The following ULK4 variants were observed in gnomAD, a reference collection of about 807,000 sequenced individuals.
The protein encoded by ULK4 is inactive serine/threonine-protein kinase ULK4.
A neutral mutation model predicts 160.6 loss-of-function variants in ULK4; 133 were observed. That is an observed-to-expected ratio of 0.83 (90% CI 0.72 to 0.96). ULK4 has a LOEUF of 0.96. ULK4 is among the 40% of genes least tolerant of loss of function. The pLI, the probability that ULK4 is intolerant of heterozygous loss-of-function variation, is 0.00. For synonymous variants in ULK4, 534 were observed against 539.8 expected (o/e 0.99, Z 0.15); for missense variants, 1,580 against 1,499.5 (o/e 1.05, Z -0.89).
chr3:41,825,774 G>A (rs1316734451), intron 18 of ULK4, among the ~76,000 whole-genome samples: 1 of 151,912 alleles, frequency 6.6e-6, no homozygotes, highest in Non-Finnish European at 1.5e-5. Context: ...ATCTAGCAAG[G>A]CAGGCCAACA....
At chr3:41,249,710 G>T in intron 35 of ULK4, 136 bp from the exon 36 acceptor site, 1 of 832,064 alleles carries the variant, frequency 1.2e-6, no homozygotes, top group Non-Finnish European at 1.9e-6. Context: ...CCCTGGGCTT[G>T]TCTGTAACCC....
chr3:41,494,811 G>T (rs2084926037), intron 32 of ULK4, among the ~76,000 whole-genome samples: 2 of 152,040 alleles, frequency 1.3e-5, no homozygotes, highest in African/African-American at 4.8e-5. Context: ...GCCAAATCAG[G>T]AGTGAACTCC....
intron 35 of ULK4, among the ~76,000 whole-genome samples, chr3:41,261,170 T>C (rs1436648844): frequency 6.6e-6 from 1 of 151,024 alleles, no homozygotes; most frequent in Non-Finnish European, 1.5e-5. Context: ...CACTTTTACC[T>C]ATAGGATTAA....
intron 18 of ULK4, among the ~76,000 whole-genome samples, chr3:41,824,266 T>C (rs112979954): frequency 0.054 from 8,150 of 151,790 alleles, 727 homozygotes; most frequent in African/African-American, 0.18. Flanking sequence ...GATTTCTGCA[T>C]TTCCAACTGA....
chr3:41,437,168 T>A (rs1277175707), intron 34 of ULK4, among the ~76,000 whole-genome samples: 1 of 152,160 alleles, frequency 6.6e-6, no homozygotes, highest in African/African-American at 2.4e-5. Flanking sequence ...AAAGACTGAA[T>A]TCTGATGATA....
At chr3:41,542,945 G>A (rs1378524673) in intron 32 of ULK4, among the ~76,000 whole-genome samples, 2 of 152,116 alleles carry the variant, frequency 1.3e-5, no homozygotes, top group Non-Finnish European at 2.9e-5. Flanking sequence ...ATCTTCTATG[G>A]ACAGGAATCA....
chr3:41,387,006 C>G (rs2081829010), intron 35 of ULK4, among the ~76,000 whole-genome samples: 1 of 152,120 alleles, frequency 6.6e-6, no homozygotes, highest in Non-Finnish European at 1.5e-5. Context: ...TAGCCACTTT[C>G]TGAATCCGTC....
chr3:41,328,453 C>A (rs2080377743), intron 35 of ULK4, among the ~76,000 whole-genome samples: 1 of 151,882 alleles, frequency 6.6e-6, no homozygotes, highest in African/African-American at 2.4e-5. Flanking sequence ...GTGTAGAAAC[C>A]AGGATGAGAA....
intron 25 of ULK4, among the ~76,000 whole-genome samples, chr3:41,706,619 G>C (rs1484849744): frequency 1.3e-5 from 2 of 150,654 alleles, no homozygotes; most frequent in Admixed American, 1.3e-4. Flanking sequence ...CTTGAGGTCA[G>C]GAGTTCGAGA....
chr3:41,323,936 G>C (rs951252418), intron 35 of ULK4, among the ~76,000 whole-genome samples: 8 of 152,200 alleles, frequency 5.3e-5, no homozygotes, highest in African/African-American at 1.9e-4. Context: ...AAACTGAGAA[G>C]GCACCGAAGC....
chr3:41,314,027 C>T (rs1220701258), intron 35 of ULK4, among the ~76,000 whole-genome samples: 1 of 152,164 alleles, frequency 6.6e-6, no homozygotes, highest in Non-Finnish European at 1.5e-5. Context: ...CAAGCGTCGA[C>T]TGCCACCTAA....
At chr3:41,539,051 T>C (rs2125950132) in intron 32 of ULK4, among the ~76,000 whole-genome samples, 1 of 140,606 alleles carries the variant, frequency 7.1e-6, no homozygotes, top group African/African-American at 2.6e-5. Context: ...TTTTTTTTTT[T>C]AGTATTTCTA....
At chr3:41,585,999 C>A (rs140077743) in intron 31 of ULK4, among the ~76,000 whole-genome samples, 1 of 152,066 alleles carries the variant, frequency 6.6e-6, no homozygotes, top group East Asian at 1.9e-4. Context: ...ATAAAAAAAA[C>A]ACAAATGGTG....
At chr3:41,797,727 A>G (rs2371627) in intron 20 of ULK4, among the ~76,000 whole-genome samples, 48,775 of 151,786 alleles carry the variant, frequency 0.32, 11,690 homozygotes, top group African/African-American at 0.68. Flanking sequence ...TGGGTGTGGC[A>G]GCAGATGCCT....
At chr3:41,870,795 T>C (rs945032358) in intron 17 of ULK4, among the ~76,000 whole-genome samples, 2 of 152,170 alleles carry the variant, frequency 1.3e-5, no homozygotes, top group African/African-American at 2.4e-5. Flanking sequence ...ACTCTCCCTC[T>C]TCTTCTAATA....
chr3:41,409,510 T>C (rs1472458401), intron 34 of ULK4, among the ~76,000 whole-genome samples: 1 of 152,236 alleles, frequency 6.6e-6, no homozygotes, highest in Non-Finnish European at 1.5e-5. Flanking sequence ...ATACATGATA[T>C]ATAATATTTC....
At chr3:41,556,822 T>A (rs980904470) in intron 32 of ULK4, among the ~76,000 whole-genome samples, 1 of 151,900 alleles carries the variant, frequency 6.6e-6, no homozygotes, top group Non-Finnish European at 1.5e-5. Flanking sequence ...CAATGATAAA[T>A]GAATTTTCGA....
At chr3:41,489,858 TACAC>T (rs897588134) in intron 32 of ULK4, among the ~76,000 whole-genome samples, 1 of 152,182 alleles carries the variant, frequency 6.6e-6, no homozygotes, top group African/African-American at 2.4e-5. Context: ...TTAATATTAA[TACAC>T]ACAGGGTATG....
At chr3:41,724,866 G>C (rs1232093217) in intron 22 of ULK4, among the ~76,000 whole-genome samples, 1 of 152,126 alleles carries the variant, frequency 6.6e-6, no homozygotes, top group Non-Finnish European at 1.5e-5. Context: ...GACTAATTAG[G>C]TTAAGCATCT....
Sources: gnomAD v4.1 joint callset for allele counts (sites outside exome capture counted in the v4.1 genomes callset) on GRCh38, gnomAD v4.1.1 for gene constraint, MANE v1.5 for transcripts, NCBI Gene and HGNC (gene_info 2026-07-23, HGNC 2026-07-21) for gene names.